Variants in SYN3 observed in about 807,000 individuals in gnomAD.
SYN3 encodes synapsin-3.
Under a neutral mutation model 65.8 loss-of-function variants are expected in SYN3, and 35 were observed. That is an observed-to-expected ratio of 0.53 (90% CI 0.41 to 0.70). The LOEUF (loss-of-function observed/expected upper bound fraction) is 0.70, where lower values mean the gene tolerates loss of function less well. Ranked by LOEUF, SYN3 falls within the 30% of genes least tolerant of loss-of-function variation. SYN3 has a pLI of 0.00. For missense variants in SYN3, 680 were observed against 749.0 expected (o/e 0.91, Z 1.08); for synonymous variants, 270 against 292.9 (o/e 0.92, Z 0.80).
chr22:32,551,135 A>G (rs1321032537), intron 7 of SYN3, among the ~76,000 whole-genome samples: 1 of 152,220 alleles, frequency 6.6e-6, no homozygotes, highest in East Asian at 1.9e-4. Context: ...AAATAGAATT[A>G]GGACATCATC....
chr22:32,915,018 G>T (rs1257555881), intron 4 of SYN3, among the ~76,000 whole-genome samples: 1 of 152,140 alleles, frequency 6.6e-6, no homozygotes, highest in Admixed American at 6.5e-5. Flanking sequence ...GGGGAAGGCA[G>T]GCTCAAGTGC....
Position 33,006,432 on chromosome 22 carries a change from C to G in SYN3, c.231G>C (p.Leu77=), listed in dbSNP as rs774110949. 1.2e-6 allele frequency: 2 copies of G among 1,614,160 alleles called. No individual in the cohort carries two copies. The highest frequency in any genetic ancestry group is 4.5e-5 in the East Asian group (2 of 44,880). ...GCGTGGAGGGACCTGGAGGCTCCAT[C>G]AGTCCTGAGGTGGCCTGAGGGGCCT... ...MKQAPQATSG[L]MEPPGPSTPI... The change falls in exon 2 of 14, where the codon CTG becomes CTC. Residue 77 remains leucine (L), a synonymous_variant. Transcript: ENST00000358763.
intron 6 of SYN3, among the ~76,000 whole-genome samples, chr22:32,778,431 G>C (rs936045217): frequency 6.7e-6 from 1 of 150,240 alleles, no homozygotes. Context: ...TGGGATCACA[G>C]GCACACGCCA....
chr22:32,566,199 A>T (rs1362083232), intron 7 of SYN3, among the ~76,000 whole-genome samples: 1 of 152,204 alleles, frequency 6.6e-6, no homozygotes. Context: ...TGTAATCTAT[A>T]TAAAAATTAT....
In SYN3 at chr22:32,512,616, T is replaced by C. The variant is rs1035291873; in HGVS notation, c.*1076A>G. ...CCGAAAGCCTTTGACATATATTATA[T>C]ACAATGCGTCTCCAAAAAAAGAAAT... On this transcript the variant is annotated 3_prime_UTR_variant, in exon 14 of 14. Coordinates refer to ENST00000358763, the MANE Select transcript of SYN3 (RefSeq NM_003490.4). 1.3e-5 allele frequency: 2 copies of C among 152,214 alleles called. No homozygotes were observed. Among genetic ancestry groups the C allele is most frequent in the African/African-American group, 4.8e-5 (2 of 41,444 alleles). The allele number at this position is 152,214 out of a possible 1,614,324, so 9.4% of individuals were successfully genotyped here.
chr22:32,554,619 G>C (rs1045101566), intron 7 of SYN3, among the ~76,000 whole-genome samples: 1 of 152,098 alleles, frequency 6.6e-6, no homozygotes, highest in African/African-American at 2.4e-5. Context: ...TCGTACCCCT[G>C]CTTTCTTTAA....
chr22:32,820,407 C>A (rs1387655022), intron 6 of SYN3, among the ~76,000 whole-genome samples: 1 of 151,124 alleles, frequency 6.6e-6, no homozygotes, highest in African/African-American at 2.4e-5. Flanking sequence ...GTGTGTCATC[C>A]TCCTCTGCTC....
At chr22:32,528,273 G>A (rs755664541) in intron 11 of SYN3, among the ~76,000 whole-genome samples, 1 of 152,144 alleles carries the variant, frequency 6.6e-6, no homozygotes, top group African/African-American at 2.4e-5. Flanking sequence ...TAATAACTAC[G>A]ATTCTGATGT....
rs185366724 is a variant in SYN3, at chr22:32,978,917, G to A, written c.369+1728C>T. Among the ~76,000 whole-genome samples the A allele has an allele frequency of 7.1e-3, 1,073 of 152,198 alleles. 9 individuals are homozygous for A. Among genetic ancestry groups the A allele is most frequent in the South Asian group, 0.035 (169 of 4,826 alleles). ...CTGTAGGCCAGGTGTGGTGGCTCAC[G>A]CCTGTAATCCCAGAACTTTAGGAGA... On this transcript the variant is annotated intron_variant, in intron 3 of 13. Coordinates refer to ENST00000358763, the MANE Select transcript of SYN3 (RefSeq NM_003490.4).
intron 6 of SYN3, among the ~76,000 whole-genome samples, chr22:32,782,050 C>A (rs2046079161): frequency 6.6e-6 from 1 of 150,686 alleles, no homozygotes; most frequent in South Asian, 2.1e-4. Context: ...AAGAAGGAAA[C>A]AAAATAAGTT....
chr22:32,824,358 AT>A (rs130289), intron 6 of SYN3, among the ~76,000 whole-genome samples: 135,434 of 148,960 alleles, frequency 0.91, 61,619 homozygotes, highest in Middle Eastern at 0.94. Context: ...ACAGATTACT[AT>A]TTTTTTTTTG....
Position 32,512,266 on chromosome 22 carries a change from C to T in SYN3, c.*1426G>A, listed in dbSNP as rs1568988948. Among the ~76,000 whole-genome samples, 1 of 152,194 alleles carries T rather than the reference C, an allele frequency of 6.6e-6. No homozygotes were observed. Among genetic ancestry groups the T allele is most frequent in the East Asian group, 1.9e-4 (1 of 5,196 alleles). On this transcript the variant is annotated 3_prime_UTR_variant, in exon 14 of 14. Transcript: ENST00000358763. The stretch of plus-strand genomic sequence containing the variant: ...CCAAAGCCACTTCCATTTTTACCTC[C>T]CTCTCTCCCTTCCCTGTGGACAGCA...
chr22:32,941,160 C>G (rs2050926089), intron 3 of SYN3, among the ~76,000 whole-genome samples: 4 of 152,122 alleles, frequency 2.6e-5, no homozygotes, highest in Admixed American at 1.3e-4. Context: ...CAATTCTTAA[C>G]AGCTTGTTAG....
rs1432300399 is a variant in SYN3, at chr22:32,596,712, CCACCGGGAAGT to C, written c.725_735del (p.His242ArgfsTer21). 1.2e-6 allele frequency: 2 copies of C among 1,614,028 alleles called. No homozygotes were observed. The highest frequency in any genetic ancestry group is 1.7e-6 in the Non-Finnish European group (2 of 1,179,954). On this transcript the variant is annotated frameshift_variant, in exon 7 of 14. Transcript: ENST00000358763. LOFTEE classifies it high-confidence loss of function. ...GCGTGGGCATGTCCCAGCTTGACTA[CCACCGGGAAGT>C]GTGGGGCTGTGACCTGAAAGAGACA...
At chr22:32,918,606 T>C (rs1038460456) in intron 4 of SYN3, among the ~76,000 whole-genome samples, 1 of 151,918 alleles carries the variant, frequency 6.6e-6, no homozygotes, top group Non-Finnish European at 1.5e-5. Context: ...GGAAAAAAAA[T>C]GCATAGTTGG....
intron 7 of SYN3, among the ~76,000 whole-genome samples, chr22:32,542,457 GAT>G (rs1380345434): frequency 1.3e-5 from 2 of 151,668 alleles, no homozygotes; most frequent in African/African-American, 2.4e-5. Context: ...TATAGTGTGT[GAT>G]ATATGTGTGT....
At chr22:32,808,889 TGCC>T (rs1188635591) in intron 6 of SYN3, among the ~76,000 whole-genome samples, 2 of 152,192 alleles carry the variant, frequency 1.3e-5, no homozygotes, top group African/African-American at 4.8e-5. Context: ...TAGGGCTGCG[TGCC>T]ACCCAGAGGG....
chr22:32,526,771 G>A (rs1205996759), intron 12 of SYN3, among the ~76,000 whole-genome samples: 6 of 151,964 alleles, frequency 3.9e-5, no homozygotes, highest in Admixed American at 2.0e-4. Context: ...CGCCCGCCTC[G>A]GCCTCCCAAA....
At chr22:32,519,880 G>C (rs558474203) in intron 12 of SYN3, among the ~76,000 whole-genome samples, 1 of 152,196 alleles carries the variant, frequency 6.6e-6, no homozygotes, top group East Asian at 1.9e-4. Flanking sequence ...AAAGGTGCTG[G>C]AACCCATCTC....
Sources: gnomAD v4.1 joint callset for allele counts (sites outside exome capture counted in the v4.1 genomes callset) on GRCh38, gnomAD v4.1.1 for gene constraint, MANE v1.5 for transcripts, NCBI Gene and HGNC (gene_info 2026-07-23, HGNC 2026-07-21) for gene names.